The following RERG variants were observed in gnomAD, a reference collection of about 807,000 sequenced individuals.
RERG encodes the protein ras-related and estrogen-regulated growth inhibitor.
In RERG, 25 loss-of-function variants were observed where a neutral mutation model predicts 23.2. The observed-to-expected ratio is 1.08, with a 90% confidence interval of 0.79 to 1.50. RERG has a LOEUF of 1.50. Ranked by LOEUF, RERG falls within the 40% of genes most tolerant of loss-of-function variation. The probability of loss-of-function intolerance (pLI) is 0.00; values close to 1 mark genes in which losing one functional copy is unlikely to be tolerated. For synonymous variants in RERG, 81 were observed against 89.1 expected (o/e 0.91, Z 0.51); for missense variants, 253 against 250.1 (o/e 1.01, Z -0.08).
intron 2 of RERG, among the ~76,000 whole-genome samples, chr12:15,197,087 T>C (rs993448397): frequency 1.1e-4 from 16 of 152,148 alleles, no homozygotes; most frequent in Admixed American, 1.0e-3. Flanking sequence ...ACAATGACAA[T>C]CTGAAGCAGT....
At chr12:15,112,052 G>A (rs1863629692) in intron 3 of RERG, among the ~76,000 whole-genome samples, 1 of 152,056 alleles carries the variant, frequency 6.6e-6, no homozygotes, top group South Asian at 2.1e-4. Context: ...TCTATAATGA[G>A]ACCTCAACAA....
intron 2 of RERG, among the ~76,000 whole-genome samples, chr12:15,142,713 G>C (rs1367655760): frequency 2.6e-5 from 4 of 151,988 alleles, no homozygotes. Context: ...AGGGGGGGTA[G>C]GAGAGAAGAA....
chr12:15,129,739 T>C (rs1864011089), intron 2 of RERG, among the ~76,000 whole-genome samples: 2 of 151,850 alleles, frequency 1.3e-5, no homozygotes, highest in Admixed American at 1.3e-4. Context: ...GGGGGAGCTA[T>C]GTTGGTAGGG....
intron 2 of RERG, among the ~76,000 whole-genome samples, chr12:15,145,948 C>T (rs1864325158): frequency 6.6e-6 from 1 of 152,182 alleles, no homozygotes; most frequent in Non-Finnish European, 1.5e-5. Context: ...GAGAAATTTG[C>T]ACCAGACACA....
At chr12:15,150,982 T>A (rs1030294133) in intron 2 of RERG, among the ~76,000 whole-genome samples, 2 of 152,222 alleles carry the variant, frequency 1.3e-5, no homozygotes, top group African/African-American at 4.8e-5. Flanking sequence ...ACATAATACA[T>A]GCAATATTGT....
intron 2 of RERG, among the ~76,000 whole-genome samples, chr12:15,173,373 T>G (rs768188370): frequency 3.3e-5 from 5 of 152,052 alleles, no homozygotes; most frequent in Admixed American, 1.3e-4. Context: ...TAATGTAGCT[T>G]TTATAATGAG....
intron 2 of RERG, among the ~76,000 whole-genome samples, chr12:15,169,920 A>ATGTGTGTGTGTG (rs61079713): frequency 4.4e-4 from 60 of 137,588 alleles, no homozygotes; most frequent in Non-Finnish European, 6.9e-4. Context: ...TCTGCTAAAA[A>ATGTGTGTGTGTG]TGTGTGTGTG....
At chr12:15,219,877 G>A (rs1865491082) in intron 1 of RERG, among the ~76,000 whole-genome samples, 1 of 152,102 alleles carries the variant, frequency 6.6e-6, no homozygotes, top group Non-Finnish European at 1.5e-5. Flanking sequence ...ACTCCCAAAT[G>A]GCCCCAGAGG....
intron 2 of RERG, among the ~76,000 whole-genome samples, chr12:15,124,913 G>T (rs1863909040): frequency 2.3e-5 from 2 of 85,238 alleles, no homozygotes; most frequent in Non-Finnish European, 5.0e-5. Context: ...TTCACATCAT[G>T]AATGCCTTTT....
intron 2 of RERG, among the ~76,000 whole-genome samples, chr12:15,205,765 A>G (rs1342172819): frequency 6.6e-6 from 1 of 152,144 alleles, no homozygotes; most frequent in African/African-American, 2.4e-5. Flanking sequence ...AAAAAACAGG[A>G]AATGCATCAT....
At chr12:15,203,131 A>G (rs1269185269) in intron 2 of RERG, among the ~76,000 whole-genome samples, 2 of 151,754 alleles carry the variant, frequency 1.3e-5, no homozygotes, top group Non-Finnish European at 3.0e-5. Flanking sequence ...ATGTCAATTT[A>G]AACACTATTC....
chr12:15,138,413 T>G (rs1048012678), intron 2 of RERG, among the ~76,000 whole-genome samples: 1 of 152,076 alleles, frequency 6.6e-6, no homozygotes, highest in African/African-American at 2.4e-5. Flanking sequence ...CCAGTTTCTA[T>G]TGACATATCC....
intron 2 of RERG, among the ~76,000 whole-genome samples, chr12:15,155,947 T>C (rs1258460457): frequency 1.3e-5 from 2 of 150,912 alleles, no homozygotes; most frequent in African/African-American, 2.4e-5. Flanking sequence ...TATACATATG[T>C]AACTAACCTG....
At chr12:15,203,388 T>C (rs956362099) in intron 2 of RERG, among the ~76,000 whole-genome samples, 6 of 151,590 alleles carry the variant, frequency 4.0e-5, no homozygotes, top group African/African-American at 1.5e-4. Context: ...ATGAAATCAT[T>C]AAACACTCAA....
chr12:15,161,138 A>AAAAGAAAGAAAGAAGGAAAG (rs1864598888), intron 2 of RERG, among the ~76,000 whole-genome samples: 1 of 41,580 alleles, frequency 2.4e-5, no homozygotes, highest in Non-Finnish European at 4.5e-5. Flanking sequence ...CCATCTCAGA[A>AAAAGAAAGAAAGAAGGAAAG]AAAGAAAGAA....
At chr12:15,138,866 G>A (rs555648611) in intron 2 of RERG, among the ~76,000 whole-genome samples, 13 of 151,478 alleles carry the variant, frequency 8.6e-5, no homozygotes, top group Non-Finnish European at 1.8e-4. Flanking sequence ...TTCATTTGCT[G>A]TCACTTCTAA....
intron 2 of RERG, among the ~76,000 whole-genome samples, chr12:15,174,388 C>T (rs1864817226): frequency 6.6e-6 from 1 of 151,772 alleles, no homozygotes; most frequent in African/African-American, 2.4e-5. Flanking sequence ...TTTTAAGATT[C>T]TCTCTCTGCC....
Position 15,108,840 on chromosome 12 carries a change from A to C in RERG, c.*270T>G, listed in dbSNP as rs1290742789. The stretch of plus-strand genomic sequence containing the variant: ...GGTGAAGATGCCTAAAAATAGCTTA[A>C]CATAAACCAGTCATTTCAGAATCTC... On this transcript the variant is annotated 3_prime_UTR_variant, in exon 5 of 5. Transcript: ENST00000256953. The C allele has an allele frequency of 2.0e-5, 7 of 346,636 alleles. No individual in the cohort carries two copies. The East Asian group carries it at 2.3e-4, about 11-fold the overall frequency. 21.5% of individuals were successfully genotyped at this position (346,636 alleles called of 1,614,324 possible). A position where few individuals can be genotyped will look rare whatever the true frequency, so the allele number is the denominator to read the frequency against.
chr12:15,218,825 C>T (rs1254990752), intron 1 of RERG, among the ~76,000 whole-genome samples: 3 of 151,834 alleles, frequency 2.0e-5, no homozygotes, highest in African/African-American at 7.3e-5. Context: ...GTTTTTTTGA[C>T]CTTCACTCCC....
Sources: gnomAD v4.1 joint callset for allele counts (sites outside exome capture counted in the v4.1 genomes callset) on GRCh38, gnomAD v4.1.1 for gene constraint, MANE v1.5 for transcripts, NCBI Gene and HGNC (gene_info 2026-07-23, HGNC 2026-07-21) for gene names.